ANKRD30B: variants seen among roughly 807,000 people sequenced by gnomAD.
ANKRD30B encodes the protein ankyrin repeat domain-containing protein 30B.
ANKRD30B carries 144 observed loss-of-function variants against 202.2 expected under a neutral mutation model. That is an observed-to-expected ratio of 0.71 (90% CI 0.62 to 0.82). The LOEUF (loss-of-function observed/expected upper bound fraction) is 0.82. ANKRD30B is among the 40% of genes least tolerant of loss of function. The pLI is 0.00. For missense variants in ANKRD30B, 1,487 were observed against 1,669.1 expected, an observed-to-expected ratio of 0.89 and a Z score of 1.90; for synonymous variants, 508 against 561.3, an observed-to-expected ratio of 0.91 and a Z score of 1.34.
At chr18:14,870,471 A>G in the ANKRD30B span, among the ~76,000 whole-genome samples, 3 of 152,130 alleles carry the variant, frequency 2.0e-5, no homozygotes, top group African/African-American at 7.2e-5. Context: ...TACCCACGGG[A>G]CTTTGTCTGG....
chr18:14,760,198 T>G lies in ANKRD30B; in HGVS notation c.756-356T>G, dbSNP rs59550769. On this transcript the variant is annotated intron_variant, in intron 5 of 43. Coordinates refer to ENST00000690538, the MANE Select transcript of ANKRD30B (RefSeq NM_001367607.2). The stretch of plus-strand genomic sequence containing the variant: ...GTGAAATAAGTCTCTAAAATCCTCA[T>G]TTTTAGAAGACATTGAGCCTAAGAG... Among the ~76,000 whole-genome samples, 228 of 152,336 alleles carry G rather than the reference T, an allele frequency of 1.5e-3. 1 individual carries two copies. The highest frequency in any genetic ancestry group is 5.2e-3 in the African/African-American group (217 of 41,574).
In ANKRD30B at chr18:14,809,986, A is replaced by C; in HGVS notation, c.2387A>C (p.Glu796Ala). 1 of 1,421,500 alleles carries C rather than the reference A, an allele frequency of 7.0e-7. No homozygotes were observed. The highest frequency in any genetic ancestry group is 9.8e-7 in the Non-Finnish European group (1 of 1,015,988). 88.1% of individuals were successfully genotyped at this position (1,421,500 alleles called of 1,614,324 possible). A position where few individuals can be genotyped will look rare whatever the true frequency, so the allele number is the denominator to read the frequency against. ...ELKDRETLKA[E>A]SPDKDGLLKP... ...ATTATATATGTCCCTTTTCTTTTAGAGTCTCCTGATAAAGATGGTCTTCTG... is the reference window on the plus strand; with the variant it reads ...ATTATATATGTCCCTTTTCTTTTAGCGTCTCCTGATAAAGATGGTCTTCTG... The change falls in exon 27 of 44, where the codon GAG becomes GCG. Residue 796 changes from glutamate to alanine, a missense_variant and splice_region_variant. By Grantham distance (107) the Glu-to-Ala change is moderately radical. Transcript: ENST00000690538.
chr18:14,916,855 C>T, the ANKRD30B span, among the ~76,000 whole-genome samples: 1 of 152,030 alleles, frequency 6.6e-6, no homozygotes, highest in Non-Finnish European at 1.5e-5. Flanking sequence ...AAAGTGAGCA[C>T]TGTCATTCCC....
the ANKRD30B span, among the ~76,000 whole-genome samples, chr18:14,931,549 A>G: frequency 6.6e-6 from 1 of 152,168 alleles, no homozygotes; most frequent in East Asian, 1.9e-4. Context: ...CTAGCAGTGT[A>G]AGGCGGAGCT....
intron 24 of ANKRD30B, among the ~76,000 whole-genome samples, chr18:14,806,994 G>A (rs1164263738): frequency 6.6e-6 from 1 of 150,968 alleles, no homozygotes; most frequent in Non-Finnish European, 1.5e-5. Context: ...TATTTAAAGT[G>A]TATTGAATAC....
At chr18:14,924,014 A>G in the ANKRD30B span, among the ~76,000 whole-genome samples, 2 of 152,152 alleles carry the variant, frequency 1.3e-5, no homozygotes, top group Non-Finnish European at 2.9e-5. Flanking sequence ...CTGTGCTTAT[A>G]TGTCTCATCT....
the ANKRD30B span, among the ~76,000 whole-genome samples, chr18:14,869,724 G>C: frequency 1.3e-5 from 2 of 150,856 alleles, no homozygotes; most frequent in Non-Finnish European, 3.0e-5. Context: ...CAGTTTTCAT[G>C]TCTTACCTTT....
the ANKRD30B span, among the ~76,000 whole-genome samples, chr18:14,936,344 T>G: frequency 6.6e-6 from 1 of 152,162 alleles, no homozygotes; most frequent in Non-Finnish European, 1.5e-5. Flanking sequence ...TCTAACAGCT[T>G]CTTCCATCCT....
At position 14,796,204 on chromosome 18, in the gene ANKRD30B, T is replaced by C; in HGVS notation, c.1826-17T>C. On this transcript the variant is annotated splice_polypyrimidine_tract_variant and intron_variant, in intron 16 of 43. Transcript: ENST00000690538. Reference sequence around the variant, plus strand: ...AGGCTTGCATATAATCAATTATATATGTCCCTTTACGTTTAGAGTCTCCTG... The same window carrying C: ...AGGCTTGCATATAATCAATTATATACGTCCCTTTACGTTTAGAGTCTCCTG... 1.3e-6 allele frequency: 2 copies of C among 1,586,542 alleles called. No individual in the cohort carries two copies. The highest frequency in any genetic ancestry group is 1.7e-6 in the Non-Finnish European group (2 of 1,155,530).
At chr18:14,879,797 G>A in the ANKRD30B span, among the ~76,000 whole-genome samples, 1 of 151,798 alleles carries the variant, frequency 6.6e-6, no homozygotes, top group African/African-American at 2.4e-5. Context: ...TTAAGGGTCA[G>A]GGTCAGGGGT....
chr18:14,774,555 G>C (rs1381031536), intron 9 of ANKRD30B, among the ~76,000 whole-genome samples: 2 of 151,894 alleles, frequency 1.3e-5, no homozygotes, highest in African/African-American at 4.8e-5. Flanking sequence ...CTGTTTCTTG[G>C]AAGAAGCAGA....
chr18:14,915,061 C>A, the ANKRD30B span, among the ~76,000 whole-genome samples: 2 of 152,152 alleles, frequency 1.3e-5, no homozygotes, highest in African/African-American at 4.8e-5. Flanking sequence ...AAGTAAATAG[C>A]AGCAGTGATC....
chr18:14,937,938 T>G, the ANKRD30B span, among the ~76,000 whole-genome samples: 1 of 152,222 alleles, frequency 6.6e-6, no homozygotes, highest in Non-Finnish European at 1.5e-5. Context: ...CGTTTCAAGA[T>G]GTACATCCTC....
the ANKRD30B span, among the ~76,000 whole-genome samples, chr18:14,887,828 T>C: frequency 1.3e-5 from 2 of 151,818 alleles, no homozygotes; most frequent in Non-Finnish European, 2.9e-5. Context: ...AAAAGCATGA[T>C]TATTTGTGGG....
chr18:14,886,699 A>C, the ANKRD30B span, among the ~76,000 whole-genome samples: 2 of 152,110 alleles, frequency 1.3e-5, no homozygotes, highest in African/African-American at 4.8e-5. Context: ...TAAACATTCA[A>C]TGAATTCACA....
intron 8 of ANKRD30B, among the ~76,000 whole-genome samples, chr18:14,771,456 A>G (rs1358986557): frequency 2.6e-5 from 4 of 152,228 alleles, no homozygotes; most frequent in Admixed American, 2.6e-4. Flanking sequence ...AGGAAGGACA[A>G]GTATAAAATA....
chr18:14,930,601 AC>A, the ANKRD30B span, among the ~76,000 whole-genome samples: 1 of 152,050 alleles, frequency 6.6e-6, no homozygotes, highest in South Asian at 2.1e-4. Flanking sequence ...GGGTAGACAC[AC>A]CACACTCCTA....
At chr18:14,845,826 T>G (rs1270738945) in intron 39 of ANKRD30B, among the ~76,000 whole-genome samples, 1 of 152,150 alleles carries the variant, frequency 6.6e-6, no homozygotes, top group African/African-American at 2.4e-5. Flanking sequence ...TGATGCATTC[T>G]TTTTCCCTGT....
In ANKRD30B at chr18:14,800,308, CT is replaced by C. The variant is rs1177678147; in HGVS notation, c.2131+1023del. On this transcript the variant is annotated intron_variant, in intron 22 of 43. Coordinates refer to ENST00000690538, the MANE Select transcript of ANKRD30B (RefSeq NM_001367607.2). The stretch of plus-strand genomic sequence containing the variant: ...AATTTGTTTTGACGTCTTAAATTTT[CT>C]TTTTTTTTTAAATTTTGATATGGCG... Among the ~76,000 whole-genome samples the C allele has an allele frequency of 7.0e-4, 103 of 146,812 alleles. 2 individuals carry two copies. The highest frequency in any genetic ancestry group is 2.3e-3 in the African/African-American group (89 of 39,280).
Sources: gnomAD v4.1 joint callset for allele counts (sites outside exome capture counted in the v4.1 genomes callset) on GRCh38, gnomAD v4.1.1 for gene constraint, MANE v1.5 for transcripts, NCBI Gene and HGNC (gene_info 2026-07-23, HGNC 2026-07-21) for gene names.